Variants in METTL25 observed in about 807,000 individuals in gnomAD.
METTL25 encodes the protein methyltransferase like 25.
In METTL25, 64 loss-of-function variants were observed where a neutral mutation model predicts 71.6. The ratio of observed to expected loss-of-function variants is 0.89; its 90% CI spans 0.73 to 1.10. The LOEUF is 1.10. Among genes scored for constraint, METTL25 ranks in the 50% least tolerant of loss-of-function variants. The pLI, the probability that METTL25 is intolerant of heterozygous loss-of-function variation, is 0.00. For synonymous variants in METTL25, 287 were observed against 250.3 expected, an observed-to-expected ratio of 1.15 and a Z score of -1.38; for missense variants, 807 against 707.0, an observed-to-expected ratio of 1.14 and a Z score of -1.60.
At chr12:82,392,194 C>A (rs4882442) in intron 3 of METTL25, among the ~76,000 whole-genome samples, 135,784 of 147,410 alleles carry the variant, frequency 0.92, 62,888 homozygotes, top group East Asian at 1. Context: ...CATGCTGGTG[C>A]GCTGCACCCA....
chr12:82,461,243 A>G (rs111704965), intron 9 of METTL25, among the ~76,000 whole-genome samples: 53 of 152,362 alleles, frequency 3.5e-4, no homozygotes, highest in African/African-American at 1.3e-3. Flanking sequence ...AATTTCTATA[A>G]TACAAAACTG....
intron 3 of METTL25, among the ~76,000 whole-genome samples, chr12:82,390,881 C>A (rs1303521263): frequency 2.0e-5 from 3 of 151,980 alleles, no homozygotes; most frequent in African/African-American, 7.2e-5. Flanking sequence ...TCTTGGGGAG[C>A]GAGTGCTGTT....
At chr12:82,377,383 A>T (rs1363045086) in intron 1 of METTL25, among the ~76,000 whole-genome samples, 1 of 152,190 alleles carries the variant, frequency 6.6e-6, no homozygotes, top group African/African-American at 2.4e-5. Context: ...TGTTATTAAC[A>T]TATGTTGTCA....
chr12:82,391,726 T>G (rs890901206), intron 3 of METTL25, among the ~76,000 whole-genome samples: 7 of 6,670 alleles, frequency 1.0e-3, no homozygotes, highest in African/African-American at 1.1e-3. Flanking sequence ...CTGATTTCCT[T>G]TTTTTTTTTT....
intron 8 of METTL25, among the ~76,000 whole-genome samples, chr12:82,442,221 T>TA (rs1731195865): frequency 6.6e-6 from 1 of 152,082 alleles, no homozygotes; most frequent in African/African-American, 2.4e-5. Flanking sequence ...GTCCCAGCAA[T>TA]AAAAAAGACC....
chr12:82,408,768 C>A (rs536463530), intron 5 of METTL25, among the ~76,000 whole-genome samples: 1 of 152,206 alleles, frequency 6.6e-6, no homozygotes, highest in South Asian at 2.1e-4. Flanking sequence ...TACAAATCTA[C>A]TGCTATATAG....
chr12:82,398,299 G>A (rs1380000399), intron 3 of METTL25, among the ~76,000 whole-genome samples: 1 of 150,282 alleles, frequency 6.7e-6, no homozygotes, highest in African/African-American at 2.4e-5. Flanking sequence ...GGCCAGGGCA[G>A]TCTCAAACTC....
intron 1 of METTL25, among the ~76,000 whole-genome samples, chr12:82,365,131 G>A (rs931335955): frequency 9.9e-5 from 15 of 152,094 alleles, no homozygotes; most frequent in Non-Finnish European, 1.5e-5. Flanking sequence ...TCTTATTGAA[G>A]GCACTCCTTG....
At chr12:82,415,165 G>A (rs1182133354) in intron 5 of METTL25, among the ~76,000 whole-genome samples, 1 of 152,108 alleles carries the variant, frequency 6.6e-6, no homozygotes, top group South Asian at 2.1e-4. Context: ...TACCAGGACA[G>A]TTGTATCTGG....
intron 5 of METTL25, among the ~76,000 whole-genome samples, chr12:82,430,442 AAG>A (rs1486703340): frequency 6.6e-6 from 1 of 151,694 alleles, no homozygotes; most frequent in Non-Finnish European, 1.5e-5. Context: ...TAGTGGCTAA[AAG>A]AAAAAATCTG....
chr12:82,389,779 ATTCT>A (rs1885397673), intron 2 of METTL25, 33 bp from the exon 3 acceptor site: 2 of 1,217,228 alleles, frequency 1.6e-6, no homozygotes, highest in Middle Eastern at 2.0e-4. Context: ...CTAAATTTTG[ATTCT>A]TTAATAGCAG....
chr12:82,367,266 AT>A (rs1453060943), intron 1 of METTL25, among the ~76,000 whole-genome samples: 1 of 152,044 alleles, frequency 6.6e-6, no homozygotes, highest in Non-Finnish European at 1.5e-5. Context: ...ATTCGTTTGG[AT>A]TTTTAAAATT....
At chr12:82,424,957 C>T (rs993641890) in intron 5 of METTL25, among the ~76,000 whole-genome samples, 8 of 152,038 alleles carry the variant, frequency 5.3e-5, no homozygotes, top group African/African-American at 1.9e-4. Flanking sequence ...TTTTGGACTG[C>T]TGGCATCTAG....
At chr12:82,476,940 A>G (rs986755935) in intron 10 of METTL25, among the ~76,000 whole-genome samples, 2 of 151,838 alleles carry the variant, frequency 1.3e-5, no homozygotes, top group Admixed American at 6.6e-5. Flanking sequence ...ATGCACAAAA[A>G]GTTTCAGAGT....
At chr12:82,374,514 G>A (rs889421438) in intron 1 of METTL25, among the ~76,000 whole-genome samples, 1 of 152,080 alleles carries the variant, frequency 6.6e-6, no homozygotes, top group Non-Finnish European at 1.5e-5. Context: ...TTTTTACAGG[G>A]TGCTGATTGG....
At chr12:82,423,810 T>G (rs557253544) in intron 5 of METTL25, among the ~76,000 whole-genome samples, 4 of 152,280 alleles carry the variant, frequency 2.6e-5, no homozygotes, top group South Asian at 2.1e-4. Context: ...GGCCATCCGA[T>G]AAATGCAAAT....
intron 9 of METTL25, among the ~76,000 whole-genome samples, chr12:82,471,482 A>G (rs1892565368): frequency 6.6e-6 from 1 of 152,260 alleles, no homozygotes; most frequent in South Asian, 2.1e-4. Flanking sequence ...GTTTGAACAC[A>G]TGAGCACAGT....
intron 4 of METTL25, among the ~76,000 whole-genome samples, chr12:82,401,915 T>C (rs1886656960): frequency 4.6e-5 from 7 of 152,088 alleles, no homozygotes; most frequent in Admixed American, 4.6e-4. Context: ...AAGTATGTGA[T>C]TCTAATAGGG....
chr12:82,376,971 G>A lies in METTL25; in HGVS notation c.260-9832G>A, dbSNP rs760963672. Among the ~76,000 whole-genome samples, 14 of 152,094 alleles carry A rather than the reference G, an allele frequency of 9.2e-5. 1 individual carries two copies. Among genetic ancestry groups the A allele is most frequent in the South Asian group, 8.3e-4 (4 of 4,822 alleles). On this transcript the variant is annotated intron_variant, in intron 1 of 11. Transcript: ENST00000248306. ...TTTACTAAAACTACAAAAATTAGCC[G>A]GCGTGGTGGCGGGCACCTGTAATCC...
Sources: allele counts gnomAD v4.1 joint callset (sites outside exome capture counted in the v4.1 genomes callset), GRCh38; gene constraint gnomAD v4.1.1; transcripts MANE v1.5; gene names NCBI Gene and HGNC (gene_info 2026-07-23, HGNC 2026-07-21).